RBFOX1: variants seen among roughly 807,000 people sequenced by gnomAD.
The protein encoded by RBFOX1 is RNA binding fox-1 homolog 1, also known as RNA binding protein fox-1 homolog 1.
RBFOX1 carries 8 observed loss-of-function variants against 57.7 expected under a neutral mutation model. The ratio of observed to expected loss-of-function variants is 0.14; its 90% CI spans 0.08 to 0.25. The LOEUF (loss-of-function observed/expected upper bound fraction) is 0.25, where lower values mean the gene tolerates loss of function less well. Ranked by LOEUF, RBFOX1 falls within the 10% of genes least tolerant of loss-of-function variation. The probability of loss-of-function intolerance (pLI) is 1.00; values close to 1 mark genes in which losing one functional copy is unlikely to be tolerated. For synonymous variants in RBFOX1, 326 were observed against 222.4 expected (o/e 1.47, Z -4.15); for missense variants, 611 against 548.5 (o/e 1.11, Z -1.14).
At chr16:5,286,402 G>T (rs1465696070) in intron 1 of RBFOX1, among the ~76,000 whole-genome samples, 1 of 152,252 alleles carries the variant, frequency 6.6e-6, no homozygotes, top group Admixed American at 6.5e-5. Flanking sequence ...CGTTTCCTCA[G>T]GCCTCTCAGT....
At chr16:6,493,754 A>G (rs1221327271) in intron 2 of RBFOX1, among the ~76,000 whole-genome samples, 2 of 152,236 alleles carry the variant, frequency 1.3e-5, no homozygotes. Flanking sequence ...CTTCAGAGAA[A>G]GGCAGGTGCT....
rs576569902 is a variant in RBFOX1 at position 5,962,363 on chromosome 16, C to T, written c.351+95028C>T. On this transcript the variant is annotated intron_variant, in intron 4 of 19. Transcript: ENST00000641259. ...CAGTTTTCTTTGAACTATGCTTTGT[C>T]ATCCCAGTCCCTAGATATGAAGCAC... Among the ~76,000 whole-genome samples, 9 of 152,302 alleles carry T rather than the reference C, an allele frequency of 5.9e-5. No individual in the cohort carries two copies. In the East Asian group the frequency reaches 1.5e-3, roughly 26 times the overall value.
At chr16:5,467,130 AAAAC>A in intron 1 of RBFOX1, 4 of 1,353,002 alleles carry the variant, frequency 3.0e-6, no homozygotes, top group South Asian at 1.4e-5. Flanking sequence ...ATCTAAGAGA[AAAAC>A]AAAGCCAAAG....
chr16:5,633,940 T>C (rs751666231), intron 3 of RBFOX1, among the ~76,000 whole-genome samples: 2 of 151,986 alleles, frequency 1.3e-5, no homozygotes, highest in Non-Finnish European at 2.9e-5. Context: ...GAAAAAATGC[T>C]CAACATCCCT....
At chr16:7,101,267 G>T (rs949908599) in intron 4 of RBFOX1, among the ~76,000 whole-genome samples, 3 of 152,172 alleles carry the variant, frequency 2.0e-5, no homozygotes, top group South Asian at 2.1e-4. Flanking sequence ...AGTGAGTGCA[G>T]TGCCAGCTCG....
At chr16:5,332,560 G>A (rs2341518) in intron 1 of RBFOX1, among the ~76,000 whole-genome samples, 136,233 of 152,018 alleles carry the variant, frequency 0.9, 62,630 homozygotes, top group East Asian at 1. Flanking sequence ...CACTGCACTC[G>A]GCCAAGGGGA....
At chr16:6,352,159 G>A (rs1432813768) in intron 2 of RBFOX1, among the ~76,000 whole-genome samples, 1 of 152,252 alleles carries the variant, frequency 6.6e-6, no homozygotes, top group East Asian at 1.9e-4. Context: ...GCTATCTCAA[G>A]TCCCAGACCT....
In RBFOX1 at chr16:7,442,714, G is replaced by A. The variant is rs1178619733; in HGVS notation, c.28-75433G>A. Among the ~76,000 whole-genome samples, 5 of 152,144 alleles carry A rather than the reference G, an allele frequency of 3.3e-5. No homozygotes were observed. In the East Asian group the frequency reaches 9.7e-4, roughly 29 times the overall value. ...CATGAATCTTTTACGAGGGTGGATG[G>A]TTGTCCGTCTTGTCAACCGGAACGA... is the stretch of plus-strand genomic sequence containing the variant. On this transcript the variant is annotated intron_variant, in intron 4 of 15. Coordinates refer to ENST00000550418, the MANE Select transcript of RBFOX1 (RefSeq NM_018723.4).
At chr16:6,433,846 C>CTTTTTTTTT (rs201617630) in intron 2 of RBFOX1, among the ~76,000 whole-genome samples, 5 of 127,170 alleles carry the variant, frequency 3.9e-5, no homozygotes, top group Admixed American at 8.1e-5. Context: ...TTTCATTTTT[C>CTTTTTTTTT]TTTTTTTTTT....
At chr16:7,180,532 G>A (rs1232114984) in intron 4 of RBFOX1, among the ~76,000 whole-genome samples, 1 of 152,002 alleles carries the variant, frequency 6.6e-6, no homozygotes, top group Non-Finnish European at 1.5e-5. Context: ...GATTTTATTG[G>A]GTAGTGCTTT....
intron 1 of RBFOX1, among the ~76,000 whole-genome samples, chr16:6,069,724 C>T (rs1030476489): frequency 6.6e-6 from 1 of 152,040 alleles, no homozygotes; most frequent in Admixed American, 6.6e-5. Flanking sequence ...AGGTGGCTCG[C>T]ACCTGTAATC....
chr16:6,637,568 A>ATATAGTATATATAGAATAGTCTC, intron 2 of RBFOX1, among the ~76,000 whole-genome samples: 1 of 134,700 alleles, frequency 7.4e-6, no homozygotes, highest in African/African-American at 2.8e-5. Flanking sequence ...ATAATATTCT[A>ATATAGTATATATAGAATAGTCTC]TATAGTATAT....
chr16:6,212,183 A>G (rs1365376538), intron 1 of RBFOX1, among the ~76,000 whole-genome samples: 1 of 152,152 alleles, frequency 6.6e-6, no homozygotes, highest in Non-Finnish European at 1.5e-5. Flanking sequence ...ATGAAACAAA[A>G]ATCTTTATAT....
intron 3 of RBFOX1, among the ~76,000 whole-genome samples, chr16:6,938,048 G>A (rs972979944): frequency 3.3e-5 from 5 of 151,916 alleles, no homozygotes; most frequent in Admixed American, 6.6e-5. Flanking sequence ...GGAGCTAATT[G>A]TGATATGGAT....
chr16:6,504,851 C>G (rs931580162), intron 2 of RBFOX1, among the ~76,000 whole-genome samples: 15 of 151,794 alleles, frequency 9.9e-5, no homozygotes, highest in African/African-American at 3.6e-4. Context: ...GTCAGGAGTT[C>G]AAGACTAGCC....
chr16:6,897,173 A>G (rs1426439002), intron 3 of RBFOX1, among the ~76,000 whole-genome samples: 1 of 152,212 alleles, frequency 6.6e-6, no homozygotes, highest in Non-Finnish European at 1.5e-5. Flanking sequence ...GCTGTAGAGT[A>G]GAGATTTAAA....
chr16:7,144,628 G>C (rs1043559075), intron 4 of RBFOX1, among the ~76,000 whole-genome samples: 1 of 151,840 alleles, frequency 6.6e-6, no homozygotes, highest in Non-Finnish European at 1.5e-5. Flanking sequence ...AACATTTAGT[G>C]ATGCCATAGA....
At chr16:7,108,433 T>C (rs1457752761) in intron 4 of RBFOX1, among the ~76,000 whole-genome samples, 1 of 152,192 alleles carries the variant, frequency 6.6e-6, no homozygotes, top group Non-Finnish European at 1.5e-5. Context: ...AAACATTACA[T>C]AGTTTAGGTA....
intron 4 of RBFOX1, among the ~76,000 whole-genome samples, chr16:7,121,381 C>T (rs1009449919): frequency 3.3e-5 from 5 of 151,962 alleles, no homozygotes; most frequent in Non-Finnish European, 5.9e-5. Context: ...ACTCTAAAAC[C>T]TCTTAGGTGA....
Sources: allele counts gnomAD v4.1 joint callset (sites outside exome capture counted in the v4.1 genomes callset), GRCh38; gene constraint gnomAD v4.1.1; transcripts MANE v1.5; gene names NCBI Gene and HGNC (gene_info 2026-07-23, HGNC 2026-07-21).